BNC2: variants seen among roughly 807,000 people sequenced by gnomAD.
BNC2 encodes basonuclin zinc finger protein 2.
Under a neutral mutation model 76.3 loss-of-function variants are expected in BNC2, and 20 were observed. The ratio of observed to expected loss-of-function variants is 0.26; its 90% CI spans 0.18 to 0.38. The LOEUF is 0.38. BNC2 is among the 10% of genes least tolerant of loss of function. BNC2 has a pLI of 1.00. For missense variants in BNC2, 1,382 were observed against 1,399.8 expected (o/e 0.99, Z 0.20); for synonymous variants, 582 against 514.8 (o/e 1.13, Z -1.77).
intron 1 of BNC2, among the ~76,000 whole-genome samples, chr9:16,862,210 G>A (rs775494507): frequency 1.3e-5 from 2 of 152,100 alleles, no homozygotes; most frequent in African/African-American, 2.4e-5. Flanking sequence ...ACAAAAACTT[G>A]TACATGAATG....
intron 1 of BNC2, among the ~76,000 whole-genome samples, chr9:16,777,841 A>G (rs1826012485): frequency 6.6e-6 from 1 of 152,242 alleles, no homozygotes; most frequent in Admixed American, 6.5e-5. Flanking sequence ...AGTGGTGACA[A>G]TAAGTATGGT....
chr9:16,421,271 A>C, intron 6 of BNC2: 1 of 1,300,584 alleles, frequency 7.7e-7, no homozygotes, highest in Non-Finnish European at 1.0e-6. Context: ...CCTTGTGACA[A>C]TAAGATCAGC....
At chr9:16,609,716 A>C (rs1270200388) in intron 3 of BNC2, among the ~76,000 whole-genome samples, 1 of 152,172 alleles carries the variant, frequency 6.6e-6, no homozygotes, top group Non-Finnish European at 1.5e-5. Context: ...ATTTAAACTA[A>C]TCTCAAGAAA....
intron 5 of BNC2, among the ~76,000 whole-genome samples, chr9:16,468,970 T>G (rs1821756857): frequency 6.6e-6 from 1 of 152,298 alleles, no homozygotes; most frequent in South Asian, 2.1e-4. Flanking sequence ...CACAGAAAAC[T>G]AATGAAAATG....
intron 1 of BNC2, among the ~76,000 whole-genome samples, chr9:16,765,304 T>C (rs1825661033): frequency 6.6e-6 from 1 of 152,152 alleles, no homozygotes; most frequent in Non-Finnish European, 1.5e-5. Flanking sequence ...TGGCTAAGAC[T>C]CCTAAAATGC....
intron 5 of BNC2, among the ~76,000 whole-genome samples, chr9:16,515,944 G>C (rs1305930863): frequency 1.4e-5 from 2 of 145,432 alleles, no homozygotes; most frequent in Non-Finnish European, 3.0e-5. Flanking sequence ...TTCCAAAAGG[G>C]AAAAAAAAAA....
intron 5 of BNC2, among the ~76,000 whole-genome samples, chr9:16,513,266 T>C (rs1253102949): frequency 1.3e-5 from 2 of 151,778 alleles, no homozygotes; most frequent in Non-Finnish European, 2.9e-5. Context: ...ATAGCTTTTA[T>C]GAAGACACGG....
intron 5 of BNC2, among the ~76,000 whole-genome samples, chr9:16,488,919 T>C (rs1822218604): frequency 6.6e-6 from 1 of 152,208 alleles, no homozygotes; most frequent in African/African-American, 2.4e-5. Flanking sequence ...ATCTATATTA[T>C]GTTTCAGTCA....
At chr9:16,616,023 C>G (rs1201879635) in intron 3 of BNC2, among the ~76,000 whole-genome samples, 1 of 152,140 alleles carries the variant, frequency 6.6e-6, no homozygotes, top group Non-Finnish European at 1.5e-5. Flanking sequence ...TCCATTACAT[C>G]AAGATAACTC....
chr9:16,725,752 A>T (rs1166090085), intron 3 of BNC2, among the ~76,000 whole-genome samples: 1 of 152,156 alleles, frequency 6.6e-6, no homozygotes, highest in Non-Finnish European at 1.5e-5. Context: ...GACATCATAA[A>T]TTGTCCTAAT....
intron 3 of BNC2, among the ~76,000 whole-genome samples, chr9:16,595,421 G>A (rs1308850649): frequency 6.6e-6 from 1 of 152,026 alleles, no homozygotes; most frequent in African/African-American, 2.4e-5. Flanking sequence ...ATTCCCCAGG[G>A]GTCTGTGCTG....
Position 16,471,452 on chromosome 9 carries a change from C to T in BNC2, c.670-33928G>A, listed in dbSNP as rs376144399. Among the ~76,000 whole-genome samples the T allele has an allele frequency of 1.4e-3, 208 of 152,196 alleles. 1 individual carries two copies. The highest frequency in any genetic ancestry group is 4.8e-3 in the African/African-American group (201 of 41,526). ...GGGACTACAGGCATGCACCACCATG[C>T]CCAGCTGATTTTTGTAGTTTTAGTA... is the stretch of plus-strand genomic sequence containing the variant. On this transcript the variant is annotated intron_variant, in intron 5 of 6. Transcript: ENST00000380672.
At chr9:16,726,623 A>T (rs953941267) in intron 3 of BNC2, among the ~76,000 whole-genome samples, 2 of 151,408 alleles carry the variant, frequency 1.3e-5, no homozygotes, top group Non-Finnish European at 1.5e-5. Context: ...AACATTTCTT[A>T]ATAACCGCCG....
At chr9:16,556,596 T>C (rs7021199) in intron 4 of BNC2, among the ~76,000 whole-genome samples, 29,440 of 151,594 alleles carry the variant, frequency 0.19, 5,149 homozygotes, top group African/African-American at 0.46. Flanking sequence ...GGTGAAACCC[T>C]GTTTCTACTA....
At chr9:16,538,424 C>T (rs959283093) in intron 5 of BNC2, among the ~76,000 whole-genome samples, 7 of 152,264 alleles carry the variant, frequency 4.6e-5, no homozygotes, top group African/African-American at 1.4e-4. Context: ...TTACTCCCCA[C>T]GTGGCACTGG....
intron 1 of BNC2, among the ~76,000 whole-genome samples, chr9:16,786,361 T>C (rs1324804454): frequency 6.6e-6 from 1 of 152,080 alleles, no homozygotes; most frequent in East Asian, 1.9e-4. Context: ...TTCAACTTCA[T>C]TCCTGGGTAG....
chr9:16,751,762 G>C (rs1825219338), intron 1 of BNC2, among the ~76,000 whole-genome samples: 1 of 151,946 alleles, frequency 6.6e-6, no homozygotes, highest in Admixed American at 6.6e-5. Context: ...CAGGCGCAGT[G>C]GCTCACGCCT....
At chr9:16,711,276 G>C (rs547044299) in intron 3 of BNC2, among the ~76,000 whole-genome samples, 1 of 152,096 alleles carries the variant, frequency 6.6e-6, no homozygotes, top group African/African-American at 2.4e-5. Context: ...AGGTGGGGAA[G>C]GGGGGGCGGT....
chr9:16,713,010 C>T (rs144661396), intron 3 of BNC2, among the ~76,000 whole-genome samples: 131 of 152,356 alleles, frequency 8.6e-4, no homozygotes, highest in African/African-American at 3.1e-3. Flanking sequence ...TGGGGAATTC[C>T]TTTCCCTAAG....
Sources: gnomAD v4.1 joint callset for allele counts (sites outside exome capture counted in the v4.1 genomes callset) on GRCh38, gnomAD v4.1.1 for gene constraint, MANE v1.5 for transcripts, NCBI Gene and HGNC (gene_info 2026-07-23, HGNC 2026-07-21) for gene names.